Variants in UBE3C observed in about 807,000 individuals in gnomAD.
UBE3C encodes the protein ubiquitin-protein ligase E3C.
Under a neutral mutation model 129.4 loss-of-function variants are expected in UBE3C, and 42 were observed. The observed-to-expected ratio is 0.32, with a 90% CI of 0.25 to 0.42. UBE3C has a LOEUF of 0.42. UBE3C is among the 10% of genes least tolerant of loss of function. The probability of loss-of-function intolerance (pLI) is 1.00; values close to 1 mark genes in which losing one functional copy is unlikely to be tolerated. For synonymous variants in UBE3C, 510 were observed against 492.4 expected (o/e 1.04, Z -0.47); for missense variants, 1,049 against 1,319.1 (o/e 0.80, Z 3.17).
At chr7:157,219,042 C>T (rs1290991611) in intron 14 of UBE3C, among the ~76,000 whole-genome samples, 1 of 152,138 alleles carries the variant, frequency 6.6e-6, no homozygotes, top group African/African-American at 2.4e-5. Context: ...AGTATTCCAG[C>T]CAATACTACA....
At chr7:157,171,974 T>C (rs760880570) in intron 4 of UBE3C, among the ~76,000 whole-genome samples, 1 of 150,988 alleles carries the variant, frequency 6.6e-6, no homozygotes, top group Non-Finnish European at 1.5e-5. Flanking sequence ...CCCATAGTGC[T>C]GGGATTACAG....
chr7:157,252,887 T>C (rs1198104230), intron 19 of UBE3C, among the ~76,000 whole-genome samples: 1 of 152,174 alleles, frequency 6.6e-6, no homozygotes, highest in African/African-American at 2.4e-5. Flanking sequence ...AGGAATGCAG[T>C]TGGGGTGTTT....
intron 11 of UBE3C, among the ~76,000 whole-genome samples, chr7:157,202,069 A>G (rs184900514): frequency 3.2e-4 from 48 of 152,346 alleles, no homozygotes; most frequent in African/African-American, 9.9e-4. Flanking sequence ...GTTTTTAAAA[A>G]AGCAGACATT....
chr7:157,155,838 A>G (rs1384131622), intron 1 of UBE3C, among the ~76,000 whole-genome samples: 3 of 152,204 alleles, frequency 2.0e-5, no homozygotes, highest in African/African-American at 7.2e-5. Flanking sequence ...TGTGGATTTC[A>G]CATTGGTGGG....
Position 157,170,285 on chromosome 7 carries a change from T to G in UBE3C, c.196-19T>G. On this transcript the variant is annotated intron_variant, in intron 3 of 22. Transcript: ENST00000348165. ...CAAATACTATATTTATGGGTCATTT[T>G]GTTTTGTTTTTCTTCCAGTATTCCA... The G allele has an allele frequency of 6.9e-7, 1 of 1,458,836 alleles. No individual in the cohort carries two copies. The highest frequency in any genetic ancestry group is 9.1e-7 in the Non-Finnish European group (1 of 1,102,968). 90.4% of individuals were successfully genotyped at this position (1,458,836 alleles called of 1,614,324 possible).
In UBE3C at chr7:157,254,268, C is replaced by T. The variant is rs1271304714; in HGVS notation, c.2908C>T (p.Pro970Ser). ...IQVLISGAQV[P>S]ISLEDLKSFT... ...GGTATTAATTTCTGGTGCACAAGTT[C>T]CCATAAGCCTAGAGGACCTAAAATC... The change falls in exon 21 of 23, where the codon CCC (proline) becomes TCC (serine). Residue 970 changes from proline (P) to serine (S), a missense_variant. By Grantham distance (74) the Pro-to-Ser change is moderately conservative. Transcript: ENST00000348165. 2 of 1,613,576 alleles carry T rather than the reference C, an allele frequency of 1.2e-6. No individual in the cohort carries two copies. Among genetic ancestry groups the T allele is most frequent in the Middle Eastern group, 1.7e-4 (1 of 6,022 alleles).
At chr7:157,232,365 T>C (rs543565528) in intron 18 of UBE3C, among the ~76,000 whole-genome samples, 1 of 152,302 alleles carries the variant, frequency 6.6e-6, no homozygotes, top group African/African-American at 2.4e-5. Context: ...TGTTTGTTTG[T>C]TTGTTTGAGA....
Position 157,267,811 on chromosome 7 carries a change from G to A in UBE3C, c.*56G>A, listed in dbSNP as rs543944091. ...AACCAGTGCTTCCTTCGTCAGCAGCGCCTCCCCAGACCCACGAGGATACTC... is the reference window on the plus strand; with the variant it reads ...AACCAGTGCTTCCTTCGTCAGCAGCACCTCCCCAGACCCACGAGGATACTC... On this transcript the variant is annotated 3_prime_UTR_variant, in exon 23 of 23. Transcript: ENST00000348165. 81 of 1,483,710 alleles carry A rather than the reference G, an allele frequency of 5.5e-5. No individual in the cohort carries two copies. Among genetic ancestry groups the A allele is most frequent in the South Asian group, 9.8e-5 (7 of 71,280 alleles). The allele number at this position is 1,483,710 out of a possible 1,614,324, so 91.9% of individuals were successfully genotyped here. A position where few individuals can be genotyped will look rare whatever the true frequency, so the allele number is the denominator to read the frequency against.
intron 1 of UBE3C, among the ~76,000 whole-genome samples, chr7:157,141,754 G>C (rs1360842235): frequency 6.6e-6 from 1 of 152,232 alleles, no homozygotes; most frequent in African/African-American, 2.4e-5. Context: ...TTGAACTTCA[G>C]GGGCATGGAG....
rs1001122700 is a variant in UBE3C at position 157,230,879 on chromosome 7, C to T, written c.2234-201C>T. ...GGCGGAGGTTGCAGTGAGCCGAGAT[C>T]GTGCCACTGCACTCCAGCCTGGGTG... On this transcript the variant is annotated intron_variant, in intron 17 of 22. Coordinates refer to ENST00000348165, the MANE Select transcript of UBE3C (RefSeq NM_014671.3). 4.8e-4 allele frequency among the ~76,000 whole-genome samples: 72 copies of T among 151,352 alleles called. 1 individual carries two copies. The highest frequency in any genetic ancestry group is 1.7e-3 in the African/African-American group (70 of 41,198).
chr7:157,230,981 A>C (rs1796008820), intron 17 of UBE3C, 99 bp from the exon 18 acceptor site: 1 of 1,483,626 alleles, frequency 6.7e-7, no homozygotes. Flanking sequence ...TGTCCCTAAG[A>C]TCCTCACACC....
chr7:157,198,764 A>G (rs1809196546), intron 10 of UBE3C, among the ~76,000 whole-genome samples: 1 of 152,098 alleles, frequency 6.6e-6, no homozygotes, highest in African/African-American at 2.4e-5. Context: ...CGAACCCCTG[A>G]CCTCAGGTGG....
At chr7:157,232,138 A>G (rs1016692272) in intron 18 of UBE3C, among the ~76,000 whole-genome samples, 2 of 152,074 alleles carry the variant, frequency 1.3e-5, no homozygotes, top group African/African-American at 4.8e-5. Flanking sequence ...TCTCTGTCCA[A>G]CATTGCCTTA....
chr7:157,167,852 G>C (rs1808260464), intron 2 of UBE3C, among the ~76,000 whole-genome samples: 1 of 152,098 alleles, frequency 6.6e-6, no homozygotes, highest in Non-Finnish European at 1.5e-5. Flanking sequence ...GCCTCTCATA[G>C]GGCTGGCACA....
intron 18 of UBE3C, among the ~76,000 whole-genome samples, chr7:157,237,130 G>C (rs532373173): frequency 6.6e-6 from 1 of 152,172 alleles, no homozygotes; most frequent in East Asian, 1.9e-4. Context: ...CCTGAATTCA[G>C]TTGATTGCTG....
At chr7:157,208,853 C>G (rs1285563306) in intron 13 of UBE3C, among the ~76,000 whole-genome samples, 1 of 152,162 alleles carries the variant, frequency 6.6e-6, no homozygotes, top group African/African-American at 2.4e-5. Flanking sequence ...GCAAACACAT[C>G]TAGTCAGCTA....
intron 1 of UBE3C, among the ~76,000 whole-genome samples, chr7:157,142,580 G>T (rs944306112): frequency 6.6e-6 from 1 of 152,180 alleles, no homozygotes; most frequent in African/African-American, 2.4e-5. Context: ...GGAGCGGGGT[G>T]TGTGGAGTAC....
At chr7:157,181,989 G>C (rs1252610450) in intron 7 of UBE3C, 119 bp from the exon 8 acceptor site, 3 of 1,084,428 alleles carry the variant, frequency 2.8e-6, no homozygotes, top group Non-Finnish European at 3.8e-6. Context: ...TGGTTAACTT[G>C]GCTAATTTAG....
Position 157,169,075 on chromosome 7 carries a change from A to G in UBE3C, c.148A>G (p.Ile50Val), listed in dbSNP as rs761130106. 5.6e-6 allele frequency: 9 copies of G among 1,613,774 alleles called. No homozygotes were observed. The highest frequency in any genetic ancestry group is 2.7e-5 in the African/African-American group (2 of 74,928). Residue 50 changes from isoleucine to valine, a missense_variant, in exon 3 of 23, where the codon ATA becomes GTA. Physicochemically the swap from Ile to Val is conservative, Grantham distance 29 (BLOSUM62 3). Transcript: ENST00000348165. ...EEERRRLKNAIIIQSFIRGYR... is the reference protein window; with the variant it reads ...EEERRRLKNAVIIQSFIRGYR... ...AGAAAGGCGAAGGTTGAAAAATGCA[A>G]TAATTATCCAGTCATTTATTCGAGG...
Sources: gnomAD v4.1 joint callset for allele counts (sites outside exome capture counted in the v4.1 genomes callset) on GRCh38, gnomAD v4.1.1 for gene constraint, MANE v1.5 for transcripts, NCBI Gene and HGNC (gene_info 2026-07-23, HGNC 2026-07-21) for gene names.